CLDN19: variants seen among roughly 807,000 people sequenced by gnomAD.
CLDN19 encodes the protein claudin 19.
CLDN19 carries 19 observed loss-of-function variants against 24.5 expected under a neutral mutation model. That is an observed-to-expected ratio of 0.78 (90% confidence interval 0.54 to 1.14). The LOEUF (loss-of-function observed/expected upper bound fraction) is 1.14, where lower values mean the gene tolerates loss of function less well. Ranked by LOEUF, CLDN19 falls within the 50% of genes most tolerant of loss-of-function variation. The probability of loss-of-function intolerance (pLI) is 0.00; values close to 1 mark genes in which losing one functional copy is unlikely to be tolerated. For synonymous variants in CLDN19, 117 were observed against 129.6 expected (o/e 0.90, Z 0.66); for missense variants, 250 against 295.9 (o/e 0.84, Z 1.14).
rs771549550 is a variant in CLDN19, at chr1:42,738,544, G to A, written c.265C>T (p.Leu89Phe). The A allele has an allele frequency of 2.5e-6, 4 of 1,613,930 alleles. No individual in the cohort carries two copies. Among genetic ancestry groups the A allele is most frequent in the Admixed American group, 1.7e-5 (1 of 60,030 alleles). ...SARALMVVAV[L>F]LGFVAMVLSV... The stretch of plus-strand genomic sequence containing the variant: ...AGGACCATGGCCACGAAGCCCAGGA[G>A]CACGGCCACCACCATCAGGGCCCGC... The change falls in exon 2 of 5, where the codon CTC becomes TTC. Residue 89 changes from leucine (L) to phenylalanine (F), a missense_variant. By Grantham distance (22) the Leu-to-Phe change is conservative (BLOSUM62 0). Transcript: ENST00000296387.
At chr1:42,739,097 G>C (rs1651466932) in intron 1 of CLDN19, among the ~76,000 whole-genome samples, 2 of 152,190 alleles carry the variant, frequency 1.3e-5, no homozygotes, top group African/African-American at 4.8e-5. Flanking sequence ...CCTGGGCCCT[G>C]GGGGGTGCTC....
intron 3 of CLDN19, among the ~76,000 whole-genome samples, chr1:42,736,392 A>T (rs1409011858): frequency 6.6e-6 from 1 of 151,860 alleles, no homozygotes; most frequent in Admixed American, 6.5e-5. Context: ...GTTTTTTCCC[A>T]GTCACATTCT....
chr1:42,740,123 G>A lies in CLDN19; in HGVS notation c.-60C>T. 7.3e-7 allele frequency: 1 copy of A among 1,373,728 alleles called. No individual in the cohort carries two copies. The highest frequency in any genetic ancestry group is 1.2e-5 in the South Asian group (1 of 80,526). The allele number at this position is 1,373,728 out of a possible 1,614,324, so 85.1% of individuals were successfully genotyped here. On this transcript the variant is annotated 5_prime_UTR_variant, in exon 1 of 5. Coordinates refer to ENST00000296387, the MANE Select transcript of CLDN19 (RefSeq NM_148960.3). ...AGAGCTGGGCCAGGGTGCCAGCAGG[G>A]GCTTTGGTCATGGCCAGGTGGGAGG...
In CLDN19 at chr1:42,740,181, G is replaced by A. The variant is rs1177750369; in HGVS notation, c.-118C>T. On this transcript the variant is annotated 5_prime_UTR_variant, in exon 1 of 5. Coordinates refer to ENST00000296387, the MANE Select transcript of CLDN19 (RefSeq NM_148960.3). Reference sequence around the variant, plus strand: ...GGGCAGGGGGAGCAGCGAGAAGGAGGGTCAGAGGCAGAGAAGGAGAGGTGG... The same window carrying A: ...GGGCAGGGGGAGCAGCGAGAAGGAGAGTCAGAGGCAGAGAAGGAGAGGTGG... 3 of 768,332 alleles carry A rather than the reference G, an allele frequency of 3.9e-6. No homozygotes were observed. The highest frequency in any genetic ancestry group is 1.7e-5 in the African/African-American group (1 of 58,334). 47.6% of individuals were successfully genotyped at this position (768,332 alleles called of 1,614,324 possible). A position where few individuals can be genotyped will look rare whatever the true frequency, so the allele number is the denominator to read the frequency against.
At chr1:42,737,984 G>C (rs1651425335) in intron 3 of CLDN19, among the ~76,000 whole-genome samples, 1 of 152,230 alleles carries the variant, frequency 6.6e-6, no homozygotes, top group Non-Finnish European at 1.5e-5. Flanking sequence ...CACCCAGCCA[G>C]AGCTGGGATT....
At chr1:42,735,352 C>T in intron 4 of CLDN19, 1 of 1,447,596 alleles carries the variant, frequency 6.9e-7, no homozygotes, top group Middle Eastern at 2.6e-4. Flanking sequence ...CTGGAAGAAC[C>T]TGAGACCTAA....
rs1408035464 is a variant in CLDN19 at position 42,734,925 on chromosome 1, G to A, written c.*161C>T. Reference sequence around the variant, plus strand: ...CATCTTTCTGCCCAAGAGCCCCAGGGGTCAGCACTGACCACTCTGACACAG... The same window carrying A: ...CATCTTTCTGCCCAAGAGCCCCAGGAGTCAGCACTGACCACTCTGACACAG... On this transcript the variant is annotated 3_prime_UTR_variant, in exon 5 of 5. Transcript: ENST00000296387. The A allele has an allele frequency of 1.5e-5, 10 of 671,456 alleles. No individual in the cohort carries two copies. The African/African-American group carries it at 1.8e-4, about 12-fold the overall frequency. 41.6% of individuals were successfully genotyped at this position (671,456 alleles called of 1,614,324 possible).
rs1180463718 is a variant in CLDN19 at position 42,740,010 on chromosome 1, C to T, written c.54G>A (p.Trp18Ter). 6.4e-7 allele frequency: 1 copy of T among 1,574,498 alleles called. No individual in the cohort carries two copies. The highest frequency in any genetic ancestry group is 8.6e-7 in the Non-Finnish European group (1 of 1,159,596). Reference sequence around the variant, plus strand: ...GGGCTGTGCTAGCAATGATGCCCACCCAGCCACCCAGGGCCAAGAAGTAGC... The same window carrying T: ...GGGCTGTGCTAGCAATGATGCCCACTCAGCCACCCAGGGCCAAGAAGTAGC... ...LLGYFLALGGWVGIIASTALP... is the reference protein window; with the variant it reads ...LLGYFLALGG The change falls in exon 1 of 5, where the codon TGG becomes TGA. Residue 18 changes from tryptophan (W) to a stop codon, truncating the protein, a stop_gained. Transcript: ENST00000296387. LOFTEE classifies it high-confidence loss of function.
In CLDN19 at chr1:42,735,805, G is replaced by C. The variant is rs756840769; in HGVS notation, c.626+73C>G. ...CCAGTGGCCCTGCCCAGGGTGCTGC[G>C]AGGCTGGCTGGATGCTGGGCAAGGG... On this transcript the variant is annotated intron_variant, in intron 4 of 4. Transcript: ENST00000296387. 5 of 1,548,272 alleles carry C rather than the reference G, an allele frequency of 3.2e-6. No individual in the cohort carries two copies. The Admixed American group carries it at 9.8e-5, about 30-fold the overall frequency.
At chr1:42,739,330 C>T (rs1169570002) in intron 1 of CLDN19, among the ~76,000 whole-genome samples, 1 of 152,216 alleles carries the variant, frequency 6.6e-6, no homozygotes, top group Non-Finnish European at 1.5e-5. Flanking sequence ...AGGAGAGGGA[C>T]TGCATGCAGA....
chr1:42,738,273 C>T lies in CLDN19; in HGVS notation c.429G>A (p.Leu143=), dbSNP rs746364980. The change falls in exon 3 of 5, where the codon CTG becomes CTA. Residue 143 remains leucine (L), a synonymous_variant. Transcript: ENST00000296387. ...TLTAVSWYAT[L]VTQEFFNPST... is the part of the protein sequence containing the mutation. ...TTGGGTTGAAGAACTCCTGGGTCAC[C>T]AGGGTGGCATACCACGAGACAGCAG... 2.5e-6 allele frequency: 4 copies of T among 1,613,912 alleles called. No homozygotes were observed. The highest frequency in any genetic ancestry group is 4.5e-5 in the East Asian group (2 of 44,876).
chr1:42,735,279 G>T (rs544224952), intron 4 of CLDN19, 145 bp from the exon 5 acceptor site: 4 of 1,529,712 alleles, frequency 2.6e-6, no homozygotes, highest in Non-Finnish European at 3.5e-6. Context: ...GCCCATTCCC[G>T]GGGGCAGGGG....
chr1:42,738,676 G>A (rs980012563), intron 1 of CLDN19, 91 bp from the exon 2 acceptor site: 3 of 1,331,864 alleles, frequency 2.3e-6, no homozygotes, highest in African/African-American at 2.9e-5. Flanking sequence ...AGCTTGAGAG[G>A]GGCTTGAGCA....
At position 42,740,151 on chromosome 1, in the gene CLDN19, C is replaced by A; in HGVS notation, c.-88G>T. ...TTTGGTCATGGCCAGGTGGGAGGAG[C>A]AGCTGGGCAGGGGGAGCAGCGAGAA... On this transcript the variant is annotated 5_prime_UTR_variant, in exon 1 of 5. Transcript: ENST00000296387. 1.0e-6 allele frequency: 1 copy of A among 981,510 alleles called. No individual in the cohort carries two copies. The highest frequency in any genetic ancestry group is 1.6e-6 in the Non-Finnish European group (1 of 640,302). The allele number at this position is 981,510 out of a possible 1,614,324, so 60.8% of individuals were successfully genotyped here.
intron 1 of CLDN19, among the ~76,000 whole-genome samples, chr1:42,738,838 A>T (rs1188276220): frequency 1.3e-5 from 2 of 151,998 alleles, no homozygotes. Flanking sequence ...CGGTAGTATG[A>T]TTCACTCTGC....
rs890420008 is a variant in CLDN19 at position 42,734,863 on chromosome 1, G to A, written c.*223C>T. 1.9e-5 allele frequency: 11 copies of A among 590,424 alleles called. No individual in the cohort carries two copies. The highest frequency in any genetic ancestry group is 4.3e-5 in the South Asian group (2 of 46,632). 36.6% of individuals were successfully genotyped at this position (590,424 alleles called of 1,614,324 possible). ...CTGAATTATTTCTTGCTTAGCCCTG[G>A]ATGTGCTATGTAACCCACCCTGGAC... On this transcript the variant is annotated 3_prime_UTR_variant, in exon 5 of 5. Coordinates refer to ENST00000296387, the MANE Select transcript of CLDN19 (RefSeq NM_148960.3).
chr1:42,739,498 G>A (rs1651481483), intron 1 of CLDN19, among the ~76,000 whole-genome samples: 1 of 152,264 alleles, frequency 6.6e-6, no homozygotes, highest in African/African-American at 2.4e-5. Context: ...GTGGGGAGAA[G>A]TGGATGAAGG....
chr1:42,735,027 A>T lies in CLDN19; in HGVS notation c.*59T>A. 7.2e-7 allele frequency: 1 copy of T among 1,386,848 alleles called. No homozygotes were observed. The highest frequency in any genetic ancestry group is 1.0e-6 in the Non-Finnish European group (1 of 976,940). 85.9% of individuals were successfully genotyped at this position (1,386,848 alleles called of 1,614,324 possible). On this transcript the variant is annotated 3_prime_UTR_variant, in exon 5 of 5. Coordinates refer to ENST00000296387, the MANE Select transcript of CLDN19 (RefSeq NM_148960.3). ...TGGATGTTCACTTCTCTTTCCAAAAAAATATGAAACACACAGTCTAGGTAT... is the reference window on the plus strand; with the variant it reads ...TGGATGTTCACTTCTCTTTCCAAAATAATATGAAACACACAGTCTAGGTAT...
At chr1:42,737,167 C>T (rs1304616759) in intron 3 of CLDN19, among the ~76,000 whole-genome samples, 1 of 152,222 alleles carries the variant, frequency 6.6e-6, no homozygotes, top group Admixed American at 6.5e-5. Context: ...GCATCCCCTT[C>T]AGTTCCCATG....
Sources: allele counts gnomAD v4.1 joint callset (sites outside exome capture counted in the v4.1 genomes callset), GRCh38; gene constraint gnomAD v4.1.1; transcripts MANE v1.5; gene names NCBI Gene and HGNC (gene_info 2026-07-23, HGNC 2026-07-21).